PPP4R3B: variants seen among roughly 807,000 people sequenced by gnomAD.
PPP4R3B encodes serine/threonine-protein phosphatase 4 regulatory subunit 3B.
A neutral mutation model predicts 95.4 loss-of-function variants in PPP4R3B; 52 were observed. That is an observed-to-expected ratio of 0.54 (90% CI 0.44 to 0.69). The LOEUF is 0.69. PPP4R3B is among the 30% of genes least tolerant of loss of function. PPP4R3B has a pLI of 0.00. For synonymous variants in PPP4R3B, 407 were observed against 343.9 expected (o/e 1.18, Z -2.03); for missense variants, 1,003 against 1,005.9 (o/e 1.00, Z 0.04).
intron 12 of PPP4R3B, among the ~76,000 whole-genome samples, chr2:55,573,403 A>G: frequency 6.6e-6 from 1 of 152,222 alleles, no homozygotes; most frequent in African/African-American, 2.4e-5. Context: ...ATGTATCACA[A>G]CAAAAGTTAG....
intron 7 of PPP4R3B, among the ~76,000 whole-genome samples, chr2:55,583,664 T>C (rs1311732834): frequency 2.0e-5 from 3 of 152,294 alleles, no homozygotes; most frequent in African/African-American, 4.8e-5. Flanking sequence ...AATGAGATTA[T>C]AAAATGATTA....
At chr2:55,571,373 T>C (rs1217467785) in intron 12 of PPP4R3B, among the ~76,000 whole-genome samples, 1 of 152,038 alleles carries the variant, frequency 6.6e-6, no homozygotes, top group African/African-American at 2.4e-5. Flanking sequence ...TCTGCAGTCA[T>C]CGAAAAGTAC....
At chr2:55,614,777 C>T (rs796715597) in intron 2 of PPP4R3B, 1 of 151,972 alleles carries the variant, frequency 6.6e-6, no homozygotes, top group Non-Finnish European at 1.5e-5. Context: ...CAGTAGACAC[C>T]GATTATTCTC....
intron 3 of PPP4R3B, among the ~76,000 whole-genome samples, chr2:55,602,682 A>G (rs943736573): frequency 6.6e-6 from 1 of 152,190 alleles, no homozygotes; most frequent in African/African-American, 2.4e-5. Flanking sequence ...CTGCTGGGAG[A>G]AGTAAGTGCT....
At chr2:55,600,415 A>T (rs141837927) in intron 3 of PPP4R3B, among the ~76,000 whole-genome samples, 2,608 of 116,074 alleles carry the variant, frequency 0.022, 107 homozygotes, top group African/African-American at 0.079. Flanking sequence ...AACGAGAGTG[A>T]AACTCTGTCT....
chr2:55,607,687 T>A (rs1472114158), intron 2 of PPP4R3B, among the ~76,000 whole-genome samples: 1 of 152,118 alleles, frequency 6.6e-6, no homozygotes. Flanking sequence ...TATAATTAAG[T>A]AAATCACTGG....
At chr2:55,555,785 A>G (rs1312834472) in intron 16 of PPP4R3B, among the ~76,000 whole-genome samples, 1 of 152,206 alleles carries the variant, frequency 6.6e-6, no homozygotes, top group Non-Finnish European at 1.5e-5. Context: ...TATGCAGGAA[A>G]TCTCTAATGT....
At chr2:55,568,890 T>A (rs1366198807) in intron 12 of PPP4R3B, among the ~76,000 whole-genome samples, 1 of 152,124 alleles carries the variant, frequency 6.6e-6, no homozygotes, top group African/African-American at 2.4e-5. Context: ...GTTTTCAGTT[T>A]TCTGAAAATA....
At chr2:55,588,527 A>AG (rs1574824621) in intron 5 of PPP4R3B, among the ~76,000 whole-genome samples, 2 of 151,590 alleles carry the variant, frequency 1.3e-5, no homozygotes, top group East Asian at 3.9e-4. Flanking sequence ...AAAAAAAAAA[A>AG]AAAAGAAAAA....
At position 55,565,046 on chromosome 2, in the gene PPP4R3B, A is replaced by T. The variant is rs760358876; in HGVS notation, c.1936-5T>A. On this transcript the variant is annotated splice_region_variant and splice_polypyrimidine_tract_variant and intron_variant, in intron 13 of 16. Coordinates refer to ENST00000616407, the MANE Select transcript of PPP4R3B (RefSeq NM_001122964.3). The stretch of plus-strand genomic sequence containing the variant: ...AGTAAGAGACTTGATATCTTCCTGT[A>T]TAAGCACAAAATTTACATTTAAAAT... The T allele has an allele frequency of 6.4e-7, 1 of 1,552,730 alleles. No individual in the cohort carries two copies. The highest frequency in any genetic ancestry group is 8.7e-7 in the Non-Finnish European group (1 of 1,154,278).
chr2:55,590,171 T>C (rs930275716), intron 4 of PPP4R3B, among the ~76,000 whole-genome samples: 2 of 148,860 alleles, frequency 1.3e-5, no homozygotes, highest in African/African-American at 2.5e-5. Context: ...CCACTAAAAA[T>C]ACAAAACTAG....
chr2:55,592,590 T>C (rs1056559907), intron 4 of PPP4R3B, among the ~76,000 whole-genome samples: 5 of 152,144 alleles, frequency 3.3e-5, no homozygotes, highest in Non-Finnish European at 1.5e-5. Context: ...GTTAGAAATT[T>C]TTCTCTTTCC....
chr2:55,558,905 G>T lies in PPP4R3B; in HGVS notation c.2324C>A (p.Thr775Asn). Reference protein sequence around the residue: ...KRTSPGGFKFTFSHSASAANG... With the variant: ...KRTSPGGFKFNFSHSASAANG... ...AGCAGCACTGGCAGAGTGGGAGAAA[G>T]TAAATTTGAAGCCACCAGGAGATGT... The change falls in exon 16 of 17, where the codon ACT (threonine) becomes AAT (asparagine). Residue 775 changes from threonine to asparagine, a missense_variant. Around this residue, in one of 3 missense-constraint regions of PPP4R3B, gnomAD observed 229 missense variants for 194.7 expected, o/e 1.18. Transcript: ENST00000616407. 1 of 1,614,032 alleles carries T rather than the reference G, an allele frequency of 6.2e-7. No homozygotes were observed. The highest frequency in any genetic ancestry group is 1.1e-5 in the South Asian group (1 of 91,074).
At chr2:55,589,946 A>AATATATATAATTATATATATATTT (rs1690745357) in intron 4 of PPP4R3B, among the ~76,000 whole-genome samples, 3 of 135,456 alleles carry the variant, frequency 2.2e-5, no homozygotes, top group South Asian at 5.0e-4. Flanking sequence ...ATATATAAAA[A>AATATATATAATTATATATATATTT]ATATATATAA....
intron 16 of PPP4R3B, among the ~76,000 whole-genome samples, chr2:55,553,319 G>GT (rs1349025948): frequency 2.0e-5 from 3 of 152,178 alleles, no homozygotes; most frequent in African/African-American, 7.2e-5. Flanking sequence ...CTTACAAGGT[G>GT]TAAGAGACTA....
chr2:55,569,865 C>T (rs532932532), intron 12 of PPP4R3B, among the ~76,000 whole-genome samples: 4 of 152,204 alleles, frequency 2.6e-5, no homozygotes, highest in African/African-American at 7.2e-5. Flanking sequence ...AAAAACCCAC[C>T]GACCCTGTGG....
At chr2:55,575,855 G>C (rs1688598301) in intron 11 of PPP4R3B, among the ~76,000 whole-genome samples, 1 of 152,106 alleles carries the variant, frequency 6.6e-6, no homozygotes, top group Non-Finnish European at 1.5e-5. Context: ...TAAATATTTT[G>C]GGGAACTACA....
chr2:55,569,508 C>T (rs1687722345), intron 12 of PPP4R3B, among the ~76,000 whole-genome samples: 1 of 152,168 alleles, frequency 6.6e-6, no homozygotes, highest in African/African-American at 2.4e-5. Flanking sequence ...TTCTAGAAAG[C>T]AGTAGCAAAT....
chr2:55,578,931 C>T (rs1574779357), intron 9 of PPP4R3B, among the ~76,000 whole-genome samples: 1 of 151,980 alleles, frequency 6.6e-6, no homozygotes, highest in East Asian at 1.9e-4. Context: ...GTAGTATGGT[C>T]ATATGGTAAC....
Sources: allele counts gnomAD v4.1 joint callset (sites outside exome capture counted in the v4.1 genomes callset), GRCh38; gene constraint gnomAD v4.1.1; regional missense constraint gnomAD v4.1.1; transcripts MANE v1.5; gene names NCBI Gene and HGNC (gene_info 2026-07-23, HGNC 2026-07-21).